PRR14L: variants seen among roughly 807,000 people sequenced by gnomAD.
PRR14L encodes protein PRR14L.
Under a neutral mutation model 155.0 loss-of-function variants are expected in PRR14L, and 80 were observed. The ratio of observed to expected loss-of-function variants is 0.52; its 90% confidence interval spans 0.43 to 0.62. PRR14L has a LOEUF of 0.62. Ranked by LOEUF, PRR14L falls within the 20% of genes least tolerant of loss-of-function variation. The probability of loss-of-function intolerance (pLI) is 0.00; values close to 1 mark genes in which losing one functional copy is unlikely to be tolerated. For missense variants in PRR14L, 2,469 were observed against 2,548.0 expected, an observed-to-expected ratio of 0.97 and a Z score of 0.67; for synonymous variants, 883 against 916.0, an observed-to-expected ratio of 0.96 and a Z score of 0.65.
At chr22:31,732,656 C>A (rs1408225614) in intron 2 of PRR14L, among the ~76,000 whole-genome samples, 1 of 152,166 alleles carries the variant, frequency 6.6e-6, no homozygotes, top group Non-Finnish European at 1.5e-5. Context: ...GCCTGCTTCC[C>A]TTTTGCTGAT....
chr22:31,733,079 C>T (rs1012241029), intron 2 of PRR14L, among the ~76,000 whole-genome samples: 1 of 150,234 alleles, frequency 6.7e-6, no homozygotes, highest in African/African-American at 2.5e-5. Context: ...ACCCTTTCTT[C>T]TGGGTTCAAA....
chr22:31,730,362 G>A (rs866949055), intron 2 of PRR14L, among the ~76,000 whole-genome samples: 68 of 152,058 alleles, frequency 4.5e-4, no homozygotes, highest in Middle Eastern at 6.3e-3. Flanking sequence ...TGTTTGAACC[G>A]GGACCCGGGA....
intron 7 of PRR14L, among the ~76,000 whole-genome samples, chr22:31,694,922 A>C (rs1465658900): frequency 3.3e-5 from 5 of 150,986 alleles, no homozygotes; most frequent in African/African-American, 1.2e-4. Flanking sequence ...GTCTCTACTA[A>C]AAATACAAAA....
chr22:31,732,058 T>C (rs1220489455), intron 2 of PRR14L, among the ~76,000 whole-genome samples: 1 of 152,170 alleles, frequency 6.6e-6, no homozygotes, highest in East Asian at 1.9e-4. Context: ...CCATTTCCAT[T>C]CCCCCATTCT....
At position 31,712,063 on chromosome 22, in the gene PRR14L, G is replaced by C. The variant is rs1408141552; in HGVS notation, c.5756+20C>G. ...GAAGCAAATATGGGACATTTGTAAAGAACAGGGGACAGATTTTACCTGCTT... is the reference window on the plus strand; with the variant it reads ...GAAGCAAATATGGGACATTTGTAAACAACAGGGGACAGATTTTACCTGCTT... On this transcript the variant is annotated intron_variant, in intron 4 of 8. Coordinates refer to ENST00000327423, the MANE Select transcript of PRR14L (RefSeq NM_173566.3). The C allele has an allele frequency of 1.3e-6, 2 of 1,588,674 alleles. No individual in the cohort carries two copies. Among genetic ancestry groups the C allele is most frequent in the Non-Finnish European group, 1.7e-6 (2 of 1,167,602 alleles).
At chr22:31,709,542 T>TG (rs2074610007) in intron 4 of PRR14L, among the ~76,000 whole-genome samples, 1 of 139,820 alleles carries the variant, frequency 7.2e-6, no homozygotes, top group South Asian at 2.4e-4. Context: ...GGTTTTTTTT[T>TG]TTTTTTTTTT....
At position 31,683,607 on chromosome 22, in the gene PRR14L, TCTAA is replaced by T. The variant is rs1215895335; in HGVS notation, c.*1916_*1919del. 6.6e-6 allele frequency: 1 copy of T among 152,380 alleles called. No homozygotes were observed. The highest frequency in any genetic ancestry group is 1.5e-5 in the Non-Finnish European group (1 of 68,180). 9.4% of individuals were successfully genotyped at this position (152,380 alleles called of 1,614,324 possible). A position where few individuals can be genotyped will look rare whatever the true frequency, so the allele number is the denominator to read the frequency against. ...AGCTGGTACGGAAGCCTGGCTCTCT[TCTAA>T]CTGTATTTGGCCATGGCCTTGGAAG... On this transcript the variant is annotated 3_prime_UTR_variant, in exon 9 of 9. Coordinates refer to ENST00000327423, the MANE Select transcript of PRR14L (RefSeq NM_173566.3).
chr22:31,719,699 G>A (rs2147867109), intron 3 of PRR14L, among the ~76,000 whole-genome samples: 1 of 151,812 alleles, frequency 6.6e-6, no homozygotes, highest in East Asian at 1.9e-4. Context: ...CCCTGACTGT[G>A]AAGCCAGACC....
chr22:31,695,271 G>A (rs1185756455), intron 7 of PRR14L, among the ~76,000 whole-genome samples: 1 of 152,136 alleles, frequency 6.6e-6, no homozygotes, highest in Non-Finnish European at 1.5e-5. Context: ...CGGAATCCTA[G>A]GCCCTTTAAG....
chr22:31,739,999 G>GA lies in PRR14L; in HGVS notation c.-51-1089dup, dbSNP rs368006560. On this transcript the variant is annotated intron_variant, in intron 1 of 8. Transcript: ENST00000327423. ...TGAAATAAATCTTGCCTAAGTAGGG[G>GA]AAAAAAAAAATCTGCTTTGACCTGA... 2.1e-4 allele frequency among the ~76,000 whole-genome samples: 31 copies of GA among 148,986 alleles called. No homozygotes were observed. The South Asian group carries it at 4.9e-3, about 23-fold the overall frequency.
intron 3 of PRR14L, among the ~76,000 whole-genome samples, chr22:31,719,361 G>A (rs1393369643): frequency 6.6e-6 from 1 of 151,540 alleles, no homozygotes; most frequent in African/African-American, 2.4e-5. Flanking sequence ...GCAATAAGCT[G>A]TGATTGCACT....
intron 3 of PRR14L, among the ~76,000 whole-genome samples, chr22:31,717,747 C>T (rs1186887567): frequency 6.6e-6 from 1 of 151,998 alleles, no homozygotes; most frequent in African/African-American, 2.4e-5. Flanking sequence ...ATACCTAAAA[C>T]TTTATTTATT....
At chr22:31,719,844 C>G (rs1433152926) in intron 3 of PRR14L, among the ~76,000 whole-genome samples, 1 of 152,042 alleles carries the variant, frequency 6.6e-6, no homozygotes, top group Non-Finnish European at 1.5e-5. Flanking sequence ...TCAAGTGATC[C>G]TCTCACCTCC....
In PRR14L at chr22:31,693,981, T is replaced by A. The variant is rs532199961; in HGVS notation, c.6108-5754A>T. 8.5e-5 allele frequency among the ~76,000 whole-genome samples: 13 copies of A among 152,290 alleles called. No individual in the cohort carries two copies. The South Asian group carries it at 2.3e-3, about 27-fold the overall frequency. ...AACCCACTTGTATTTCTTTAACATA[T>A]AAAACACACTATAGGCAAGGCACGG... On this transcript the variant is annotated intron_variant, in intron 7 of 8. Coordinates refer to ENST00000327423, the MANE Select transcript of PRR14L (RefSeq NM_173566.3).
intron 6 of PRR14L, among the ~76,000 whole-genome samples, chr22:31,702,619 G>A (rs2074568278): frequency 1.3e-5 from 2 of 152,054 alleles, no homozygotes; most frequent in Admixed American, 6.6e-5. Context: ...GGGTTTAAGC[G>A]AATCTACTGC....
intron 8 of PRR14L, among the ~76,000 whole-genome samples, chr22:31,687,668 A>C (rs989756550): frequency 1.3e-5 from 2 of 151,594 alleles, no homozygotes; most frequent in East Asian, 3.9e-4. Flanking sequence ...TCTTTACGTA[A>C]CCCAATACAC....
Position 31,740,796 on chromosome 22 carries a change from T to A in PRR14L, c.-51-1885A>T, listed in dbSNP as rs190484584. The stretch of plus-strand genomic sequence containing the variant: ...TATCAGAAGTGATAAGAAATTAGAT[T>A]GCTGTTCCATGATGTTTAGGTAACA... On this transcript the variant is annotated intron_variant, in intron 1 of 8. Transcript: ENST00000327423. Among the ~76,000 whole-genome samples, 839 of 152,322 alleles carry A rather than the reference T, an allele frequency of 5.5e-3. 3 individuals carry two copies. Among genetic ancestry groups the A allele is most frequent in the Non-Finnish European group, 7.3e-3 (495 of 68,034 alleles).
intron 7 of PRR14L, among the ~76,000 whole-genome samples, chr22:31,693,612 T>C (rs2147853702): frequency 1.3e-5 from 2 of 152,300 alleles, no homozygotes; most frequent in Middle Eastern, 6.8e-3. Context: ...TATGGTATGG[T>C]ATGTAGGTTT....
At chr22:31,692,093 C>T (rs958063051) in intron 7 of PRR14L, among the ~76,000 whole-genome samples, 2 of 152,118 alleles carry the variant, frequency 1.3e-5, no homozygotes, top group African/African-American at 4.8e-5. Flanking sequence ...GTCTCGAACT[C>T]CTGACCTCAG....
Sources: allele counts gnomAD v4.1 joint callset (sites outside exome capture counted in the v4.1 genomes callset), GRCh38; gene constraint gnomAD v4.1.1; transcripts MANE v1.5; gene names NCBI Gene and HGNC (gene_info 2026-07-23, HGNC 2026-07-21).